TMEM51: variants seen among roughly 807,000 people sequenced by gnomAD.
TMEM51 encodes chromosome 1 open reading frame 72.
A neutral mutation model predicts 13.6 loss-of-function variants in TMEM51; 8 were observed. The ratio of observed to expected loss-of-function variants is 0.59; its 90% CI spans 0.35 to 1.07. The LOEUF (loss-of-function observed/expected upper bound fraction) is 1.07. TMEM51 is among the 50% of genes least tolerant of loss of function. The probability of loss-of-function intolerance (pLI) is 0.02; values close to 1 mark genes in which losing one functional copy is unlikely to be tolerated. For synonymous variants in TMEM51, 147 were observed against 144.4 expected, an observed-to-expected ratio of 1.02 and a Z score of -0.13; for missense variants, 279 against 330.7, an observed-to-expected ratio of 0.84 and a Z score of 1.21.
intron 1 of TMEM51, among the ~76,000 whole-genome samples, chr1:15,200,645 GC>G (rs1644138359): frequency 6.6e-6 from 1 of 152,054 alleles, no homozygotes; most frequent in Admixed American, 6.6e-5. Flanking sequence ...GGTTATATCA[GC>G]CCCAGCAAAC....
chr1:15,217,823 G>A (rs1331727956), intron 3 of TMEM51, among the ~76,000 whole-genome samples: 1 of 152,172 alleles, frequency 6.6e-6, no homozygotes, highest in Admixed American at 6.5e-5. Context: ...CCACCGAGCT[G>A]AATGCTAGTA....
intron 1 of TMEM51, among the ~76,000 whole-genome samples, chr1:15,190,759 T>C (rs369013695): frequency 3.3e-5 from 5 of 152,002 alleles, no homozygotes; most frequent in East Asian, 3.9e-4. Flanking sequence ...TTTTTTTGTT[T>C]TGTTTTTGGT....
At chr1:15,196,045 C>T (rs371481457) in intron 1 of TMEM51, among the ~76,000 whole-genome samples, 9 of 152,184 alleles carry the variant, frequency 5.9e-5, no homozygotes, top group East Asian at 5.8e-4. Flanking sequence ...TTTATTCCTG[C>T]GACTTTGCTG....
At chr1:15,169,212 CTA>C (rs1643146676) in intron 1 of TMEM51, among the ~76,000 whole-genome samples, 1 of 152,128 alleles carries the variant, frequency 6.6e-6, no homozygotes, top group Non-Finnish European at 1.5e-5. Flanking sequence ...TCATTCTGAA[CTA>C]TGATGCTATG....
intron 1 of TMEM51, among the ~76,000 whole-genome samples, chr1:15,163,081 G>C (rs1184033423): frequency 2.0e-5 from 3 of 151,984 alleles, no homozygotes; most frequent in African/African-American, 7.3e-5. Context: ...ACAAGACTCA[G>C]ATAGTCATTT....
chr1:15,214,053 ATGT>A (rs1195990308), intron 2 of TMEM51, among the ~76,000 whole-genome samples: 1 of 133,616 alleles, frequency 7.5e-6, no homozygotes, highest in Non-Finnish European at 1.6e-5. Context: ...GGGTTTTACC[ATGT>A]TGGCCAGGAT....
intron 1 of TMEM51, among the ~76,000 whole-genome samples, chr1:15,159,866 AC>A (rs576483419): frequency 6.6e-6 from 1 of 152,146 alleles, no homozygotes; most frequent in Non-Finnish European, 1.5e-5. Flanking sequence ...CCAGAGCTTT[AC>A]CAATGGAAGC....
At chr1:15,166,616 G>A (rs1171360397) in intron 1 of TMEM51, among the ~76,000 whole-genome samples, 4 of 152,076 alleles carry the variant, frequency 2.6e-5, no homozygotes, top group Non-Finnish European at 5.9e-5. Context: ...ATACTCAGGA[G>A]GCTAAGGCAG....
At chr1:15,213,861 A>C (rs1238231653) in intron 2 of TMEM51, among the ~76,000 whole-genome samples, 2 of 151,670 alleles carry the variant, frequency 1.3e-5, no homozygotes, top group Non-Finnish European at 2.9e-5. Flanking sequence ...TTTTTTTTCG[A>C]GACAGAGTCT....
chr1:15,198,425 A>G (rs1333968971), intron 1 of TMEM51, among the ~76,000 whole-genome samples: 1 of 152,064 alleles, frequency 6.6e-6, no homozygotes, highest in Non-Finnish European at 1.5e-5. Context: ...TAGTATTACT[A>G]TTATTTTTTG....
chr1:15,183,312 A>G (rs868601140), intron 1 of TMEM51, among the ~76,000 whole-genome samples: 11 of 152,210 alleles, frequency 7.2e-5, no homozygotes, highest in Admixed American at 2.0e-4. Flanking sequence ...TGTGCGTAAT[A>G]TGCTACTTGA....
chr1:15,162,359 C>T lies in TMEM51; in HGVS notation c.-267+8405C>T, dbSNP rs777062080. Among the ~76,000 whole-genome samples, 7 of 151,938 alleles carry T rather than the reference C, an allele frequency of 4.6e-5. No homozygotes were observed. In the East Asian group the frequency reaches 1.4e-3, roughly 29 times the overall value. On this transcript the variant is annotated intron_variant, in intron 1 of 3. Coordinates refer to ENST00000376008, the MANE Select transcript of TMEM51 (RefSeq NM_001136218.2). ...TGTATTTTTAGTAGAGATGGGGTTT[C>T]ACCATGTTGGCCAAGCTGGTCTTGA...
chr1:15,205,560 A>G (rs1018713628), intron 1 of TMEM51, among the ~76,000 whole-genome samples: 3 of 152,238 alleles, frequency 2.0e-5, no homozygotes, highest in Non-Finnish European at 4.4e-5. Flanking sequence ...CTCTTCAGAC[A>G]CGCTCCATTT....
chr1:15,175,216 A>G (rs1422969066), intron 1 of TMEM51, among the ~76,000 whole-genome samples: 1 of 152,132 alleles, frequency 6.6e-6, no homozygotes, highest in Non-Finnish European at 1.5e-5. Context: ...CCTGGCCAAC[A>G]TGGCAAAACC....
intron 1 of TMEM51, among the ~76,000 whole-genome samples, chr1:15,167,330 A>G: frequency 1.3e-5 from 1 of 79,130 alleles, no homozygotes; most frequent in South Asian, 3.3e-4. Flanking sequence ...CCATCTCAAA[A>G]AAAAAAAAAA....
In TMEM51 at chr1:15,206,247, G is replaced by A. The variant is rs953704353; in HGVS notation, c.-266-4243G>A. Among the ~76,000 whole-genome samples, 248 of 91,266 alleles carry A rather than the reference G, an allele frequency of 2.7e-3. 5 individuals are homozygous for A. The highest frequency in any genetic ancestry group is 0.018 in the Middle Eastern group (3 of 170). The allele number at this position is 91,266 out of a possible 152,430, so 59.9% of individuals were successfully genotyped here. A position where few individuals can be genotyped will look rare whatever the true frequency, so the allele number is the denominator to read the frequency against. ...CCCTGTCAAAAAAAAAAAAAAAAAA[G>A]AGAGAGAGAAGAAAGGGAAGAGGAG... On this transcript the variant is annotated intron_variant, in intron 1 of 3. Coordinates refer to ENST00000376008, the MANE Select transcript of TMEM51 (RefSeq NM_001136218.2).
At chr1:15,153,400 C>G (rs530763096), upstream of TMEM51, among the ~76,000 whole-genome samples, 372 of 148,042 alleles carry the variant, frequency 2.5e-3, 3 homozygotes, top group African/African-American at 9.4e-3. Context: ...CACACACACG[C>G]GCGTGCGCGC....
At chr1:15,164,393 TC>T (rs1445145516) in intron 1 of TMEM51, 7 of 456,138 alleles carry the variant, frequency 1.5e-5, no homozygotes, top group Non-Finnish European at 2.6e-5. Context: ...TTGTAGAACT[TC>T]CCTGAATTTC....
chr1:15,178,587 G>A (rs1643520257), intron 1 of TMEM51, among the ~76,000 whole-genome samples: 2 of 152,274 alleles, frequency 1.3e-5, no homozygotes, highest in East Asian at 1.9e-4. Context: ...CCCATCTGCT[G>A]CTCACCTACC....
Sources: allele counts gnomAD v4.1 joint callset (sites outside exome capture counted in the v4.1 genomes callset), GRCh38; gene constraint gnomAD v4.1.1; transcripts MANE v1.5; gene names NCBI Gene and HGNC (gene_info 2026-07-23, HGNC 2026-07-21).